SORT1: variants seen among roughly 807,000 people sequenced by gnomAD.
SORT1 encodes sortilin.
SORT1 carries 39 observed loss-of-function variants against 101.7 expected under a neutral mutation model. The ratio of observed to expected loss-of-function variants is 0.38; its 90% CI spans 0.30 to 0.50. The LOEUF (loss-of-function observed/expected upper bound fraction) is 0.50, where lower values mean the gene tolerates loss of function less well. Among genes scored for constraint, SORT1 ranks in the 20% least tolerant of loss-of-function variants. The probability of loss-of-function intolerance (pLI) is 0.90; values close to 1 mark genes in which losing one functional copy is unlikely to be tolerated. For synonymous variants in SORT1, 396 were observed against 393.7 expected (o/e 1.01, Z -0.07); for missense variants, 878 against 1,040.4 (o/e 0.84, Z 2.15).
chr1:109,382,845 A>G (rs1652327814), intron 1 of SORT1, among the ~76,000 whole-genome samples: 2 of 152,192 alleles, frequency 1.3e-5, no homozygotes, highest in Non-Finnish European at 2.9e-5. Context: ...AACGGATGAT[A>G]TAAGACTCAT....
intron 11 of SORT1, 98 bp from the exon 12 acceptor site, chr1:109,327,699 C>A: frequency 1.4e-6 from 1 of 697,338 alleles, no homozygotes; most frequent in South Asian, 2.3e-5. Flanking sequence ...TTAAGTTAAC[C>A]CAGACCTAGG....
At chr1:109,344,399 T>C (rs1649443747) in intron 8 of SORT1, among the ~76,000 whole-genome samples, 1 of 152,234 alleles carries the variant, frequency 6.6e-6, no homozygotes, top group Admixed American at 6.5e-5. Context: ...ACATAAGGTC[T>C]GGCCAGGCCC....
intron 3 of SORT1, among the ~76,000 whole-genome samples, chr1:109,365,037 C>T (rs1650988173): frequency 6.6e-6 from 1 of 152,134 alleles, no homozygotes; most frequent in Non-Finnish European, 1.5e-5. Context: ...CATTGCCTCC[C>T]AATACTCTAC....
At chr1:109,386,405 G>T (rs555190733) in intron 1 of SORT1, among the ~76,000 whole-genome samples, 3 of 152,178 alleles carry the variant, frequency 2.0e-5, no homozygotes, top group South Asian at 2.1e-4. Context: ...ACTAACAAGG[G>T]CTAGAAGGGC....
intron 7 of SORT1, among the ~76,000 whole-genome samples, chr1:109,346,975 C>G (rs1649648107): frequency 6.6e-6 from 1 of 152,194 alleles, no homozygotes; most frequent in South Asian, 2.1e-4. Context: ...TCATGCCCAG[C>G]TGGAGTTTTG....
chr1:109,358,901 A>G (rs1355713507), intron 3 of SORT1, among the ~76,000 whole-genome samples: 1 of 152,086 alleles, frequency 6.6e-6, no homozygotes, highest in Non-Finnish European at 1.5e-5. Context: ...AATTCTATGC[A>G]TCAACACTAA....
rs57014091 is a variant in SORT1, at chr1:109,375,541, C to CA, written c.307-5953dup. ...CCTGGGCGACAGTGAGACTCCGTTTCAAAAAAAAAAAAAAAAGATATAATA... is the reference window on the plus strand; with the variant it reads ...CCTGGGCGACAGTGAGACTCCGTTTCAAAAAAAAAAAAAAAAAGATATAATA... On this transcript the variant is annotated intron_variant, in intron 1 of 19. Transcript: ENST00000256637. Among the ~76,000 whole-genome samples the CA allele has an allele frequency of 9.9e-3, 701 of 71,080 alleles. 35 individuals are homozygous for CA. The highest frequency in any genetic ancestry group is 0.013 in the Non-Finnish European group (522 of 40,662). 46.6% of individuals were successfully genotyped at this position (71,080 alleles called of 152,430 possible). A position where few individuals can be genotyped will look rare whatever the true frequency, so the allele number is the denominator to read the frequency against.
intron 1 of SORT1, among the ~76,000 whole-genome samples, chr1:109,381,456 A>T (rs1009199439): frequency 1.3e-5 from 2 of 152,228 alleles, no homozygotes; most frequent in Non-Finnish European, 2.9e-5. Context: ...AAAAAATCTT[A>T]AAAAACCCAA....
chr1:109,375,400 G>A (rs944900185), intron 1 of SORT1, among the ~76,000 whole-genome samples: 3 of 151,902 alleles, frequency 2.0e-5, no homozygotes, highest in African/African-American at 7.3e-5. Flanking sequence ...AAAATTCGCC[G>A]GGCGAGGTGG....
intron 3 of SORT1, among the ~76,000 whole-genome samples, chr1:109,359,208 C>T (rs1040154287): frequency 6.6e-6 from 1 of 151,812 alleles, no homozygotes; most frequent in African/African-American, 2.4e-5. Context: ...TCACTGTAAC[C>T]GTACATGACA....
chr1:109,396,081 C>A (rs1421621880), intron 1 of SORT1, among the ~76,000 whole-genome samples: 1 of 151,322 alleles, frequency 6.6e-6, no homozygotes, highest in Admixed American at 6.6e-5. Context: ...GAGACCCTAT[C>A]TCAAAAAAAA....
At position 109,316,921 on chromosome 1, in the gene SORT1, C is replaced by T. The variant is rs745376333; in HGVS notation, c.2179G>A (p.Val727Ile). ...KIPGDKCQGGVNPVREVKDLK... is the reference protein window; with the variant it reads ...KIPGDKCQGGINPVREVKDLK... ...TCTTTTACTTCTCGAACTGGATTTA[C>T]CCCACCCTGGCATTTGTCCCCTGGA... Residue 727 changes from valine to isoleucine, a missense_variant, in exon 17 of 20, where the codon GTA (valine) becomes ATA (isoleucine). By Grantham distance (29) the Val-to-Ile change is conservative. Around this residue, in one of 2 missense-constraint regions of SORT1, gnomAD observed 684 missense variants for 894.5 expected, o/e 0.76. Coordinates refer to ENST00000256637, the MANE Select transcript of SORT1 (RefSeq NM_002959.7). 3.1e-6 allele frequency: 5 copies of T among 1,610,858 alleles called. No homozygotes were observed. The highest frequency in any genetic ancestry group is 2.7e-5 in the African/African-American group (2 of 74,702).
intron 6 of SORT1, among the ~76,000 whole-genome samples, chr1:109,348,637 C>T (rs1487329907): frequency 6.6e-6 from 1 of 152,048 alleles, no homozygotes; most frequent in East Asian, 1.9e-4. Flanking sequence ...TACAGGTGTG[C>T]ACCACCATGC....
chr1:109,354,198 C>T (rs894319627), intron 5 of SORT1, among the ~76,000 whole-genome samples, 169 bp downstream of exon 5: 11 of 152,124 alleles, frequency 7.2e-5, no homozygotes, highest in African/African-American at 2.2e-4. Flanking sequence ...ATGTGGAAAT[C>T]GTGTCCTTTA....
At chr1:109,340,552 A>C (rs1055013890) in intron 10 of SORT1, among the ~76,000 whole-genome samples, 172 bp downstream of exon 10, 3 of 152,038 alleles carry the variant, frequency 2.0e-5, no homozygotes, top group Non-Finnish European at 4.4e-5. Context: ...AAAAACTGCA[A>C]ATTTTGTTAG....
At chr1:109,369,326 C>T (rs981230469) in intron 2 of SORT1, among the ~76,000 whole-genome samples, 2 of 151,868 alleles carry the variant, frequency 1.3e-5, no homozygotes, top group South Asian at 4.2e-4. Flanking sequence ...CCGTCCCCAC[C>T]CCCCCGCAAA....
rs755869457 is a variant in SORT1, at chr1:109,351,019, G to T, written c.709-17C>A. On this transcript the variant is annotated splice_polypyrimidine_tract_variant and intron_variant, in intron 5 of 19. Transcript: ENST00000256637. ...CAGGCCATTCTGAAAGATTATAAAT[G>T]ACTTATCAAAATTCTAGCTTTATCC... is the stretch of plus-strand genomic sequence containing the variant. The T allele has an allele frequency of 1.9e-6, 3 of 1,546,454 alleles. No homozygotes were observed. Among genetic ancestry groups the T allele is most frequent in the South Asian group, 1.1e-5 (1 of 89,646 alleles).
chr1:109,318,251 C>G (rs1647375785), intron 15 of SORT1, among the ~76,000 whole-genome samples: 1 of 151,558 alleles, frequency 6.6e-6, no homozygotes, highest in East Asian at 1.9e-4. Flanking sequence ...CCTCCGGCTT[C>G]AAGCGACTCT....
At chr1:109,366,547 C>T (rs561192033) in intron 3 of SORT1, among the ~76,000 whole-genome samples, 3 of 152,210 alleles carry the variant, frequency 2.0e-5, no homozygotes, top group Non-Finnish European at 2.9e-5. Flanking sequence ...TATTGTTCTG[C>T]CCCTGAGTCA....
Sources: allele counts gnomAD v4.1 joint callset (sites outside exome capture counted in the v4.1 genomes callset), GRCh38; gene constraint gnomAD v4.1.1; regional missense constraint gnomAD v4.1.1; transcripts MANE v1.5; gene names NCBI Gene and HGNC (gene_info 2026-07-23, HGNC 2026-07-21).